ZBTB20: variants seen among roughly 807,000 people sequenced by gnomAD.
ZBTB20 encodes the protein zinc finger and BTB domain containing 20, also known as zinc finger and BTB domain-containing protein 20.
A neutral mutation model predicts 56.9 loss-of-function variants in ZBTB20; 9 were observed. The ratio of observed to expected loss-of-function variants is 0.16; its 90% CI spans 0.10 to 0.28. The LOEUF is 0.28. Among genes scored for constraint, ZBTB20 ranks in the 10% least tolerant of loss-of-function variants. The probability of loss-of-function intolerance (pLI) is 1.00; values close to 1 mark genes in which losing one functional copy is unlikely to be tolerated. For missense variants in ZBTB20, 655 were observed against 1,003.0 expected (o/e 0.65, Z 4.69); for synonymous variants, 417 against 420.7 (o/e 0.99, Z 0.11).
chr3:114,565,858 T>C (rs369647263), intron 6 of ZBTB20, among the ~76,000 whole-genome samples: 1 of 152,118 alleles, frequency 6.6e-6, no homozygotes, highest in Non-Finnish European at 1.5e-5. Flanking sequence ...CAGTAAGATG[T>C]TGTCATGCAA....
chr3:114,695,829 A>G (rs1183467170), intron 5 of ZBTB20, among the ~76,000 whole-genome samples: 1 of 152,024 alleles, frequency 6.6e-6, no homozygotes, highest in African/African-American at 2.4e-5. Context: ...ATTGGAATCC[A>G]AACTCAACTA....
intron 2 of ZBTB20, among the ~76,000 whole-genome samples, chr3:114,980,391 G>A (rs921537685): frequency 6.6e-6 from 1 of 150,404 alleles, no homozygotes; most frequent in Non-Finnish European, 1.5e-5. Flanking sequence ...TCCTTTCTAA[G>A]GGTCCATAAA....
At chr3:114,373,918 G>C (rs1469749405) in intron 10 of ZBTB20, among the ~76,000 whole-genome samples, 1 of 151,898 alleles carries the variant, frequency 6.6e-6, no homozygotes, top group Non-Finnish European at 1.5e-5. Flanking sequence ...ATAAAAAGAG[G>C]GCCAATTTAA....
At position 115,061,959 on chromosome 3, in the gene ZBTB20, C is replaced by G. The variant is rs141906949; in HGVS notation, c.-507+9260G>C. The stretch of plus-strand genomic sequence containing the variant: ...TTATGCACCCTAAACATTATGCACT[C>G]TATGCTATAAAATGACAATATAAAA... On this transcript the variant is annotated intron_variant, in intron 2 of 11. Transcript: ENST00000675478. Among the ~76,000 whole-genome samples the G allele has an allele frequency of 4.1e-3, 624 of 152,238 alleles. 4 individuals carry two copies. Among genetic ancestry groups the G allele is most frequent in the African/African-American group, 0.014 (592 of 41,534 alleles).
In ZBTB20 at chr3:115,023,340, A is replaced by G. The variant is rs777337759; in HGVS notation, c.-507+47879T>C. On this transcript the variant is annotated intron_variant, in intron 2 of 11. Coordinates refer to ENST00000675478, the MANE Select transcript of ZBTB20 (RefSeq NM_001348800.3). ...TTTGCTGGCACTACACAATATGCCTAGATTCAATTCTGTTGAATCCCATAA... is the reference window on the plus strand; with the variant it reads ...TTTGCTGGCACTACACAATATGCCTGGATTCAATTCTGTTGAATCCCATAA... Among the ~76,000 whole-genome samples, 6 of 150,996 alleles carry G rather than the reference A, an allele frequency of 4.0e-5. 1 individual carries two copies. The highest frequency in any genetic ancestry group is 1.3e-4 in the Admixed American group (2 of 15,068).
chr3:114,340,556 A>C (rs1576226849), intron 11 of ZBTB20, among the ~76,000 whole-genome samples: 2 of 152,216 alleles, frequency 1.3e-5, no homozygotes, highest in African/African-American at 4.8e-5. Flanking sequence ...TACTCAGTGC[A>C]TGAGGTATTC....
Position 114,319,855 on chromosome 3 carries a change from C to A in ZBTB20, c.*19150G>T, listed in dbSNP as rs960372737. On this transcript the variant is annotated 3_prime_UTR_variant, in exon 12 of 12. Transcript: ENST00000675478. The stretch of plus-strand genomic sequence containing the variant: ...GCATATACATATATATATACACACA[C>A]ACACACAAATTTGTTACATAGCCAA... 1 of 152,058 alleles carries A rather than the reference C, an allele frequency of 6.6e-6. No homozygotes were observed. The highest frequency in any genetic ancestry group is 2.4e-5 in the African/African-American group (1 of 41,392). 9.4% of individuals were successfully genotyped at this position (152,058 alleles called of 1,614,324 possible).
At chr3:114,739,128 T>C (rs1354079807) in intron 5 of ZBTB20, among the ~76,000 whole-genome samples, 1 of 152,166 alleles carries the variant, frequency 6.6e-6, no homozygotes, top group Non-Finnish European at 1.5e-5. Flanking sequence ...GGGCCATACC[T>C]GGGTGGTTTT....
At chr3:115,086,018 T>C (rs2082974311) in intron 1 of ZBTB20, among the ~76,000 whole-genome samples, 2 of 151,932 alleles carry the variant, frequency 1.3e-5, no homozygotes, top group Admixed American at 6.6e-5. Flanking sequence ...TTCTCTATTT[T>C]TTAGTCTTAA....
chr3:115,096,950 C>T (rs1344690419), intron 1 of ZBTB20, among the ~76,000 whole-genome samples: 3 of 152,128 alleles, frequency 2.0e-5, no homozygotes, highest in Non-Finnish European at 4.4e-5. Context: ...AAGTATGCAG[C>T]TGCTATCCTT....
intron 4 of ZBTB20, among the ~76,000 whole-genome samples, chr3:114,844,905 A>C (rs747713871): frequency 8.7e-4 from 112 of 128,728 alleles, no homozygotes; most frequent in Non-Finnish European, 1.5e-3. Flanking sequence ...ATCTTTGCCC[A>C]TTTAAATAAT....
chr3:114,776,442 C>T (rs1228648849), intron 5 of ZBTB20, among the ~76,000 whole-genome samples: 1 of 152,044 alleles, frequency 6.6e-6, no homozygotes, highest in Non-Finnish European at 1.5e-5. Flanking sequence ...AGTGATGTGG[C>T]CACAAGCCAA....
intron 6 of ZBTB20, among the ~76,000 whole-genome samples, chr3:114,637,682 T>C (rs552791332): frequency 2.6e-5 from 4 of 152,226 alleles, no homozygotes; most frequent in Admixed American, 6.5e-5. Flanking sequence ...AAACATCTTC[T>C]ATGTGTGAGA....
intron 4 of ZBTB20, among the ~76,000 whole-genome samples, chr3:114,875,271 T>C (rs530197268): frequency 3.3e-5 from 5 of 152,132 alleles, no homozygotes; most frequent in Non-Finnish European, 7.4e-5. Flanking sequence ...AAGCACTAAG[T>C]AATATCAAAA....
intron 5 of ZBTB20, among the ~76,000 whole-genome samples, chr3:114,766,703 T>C (rs1244281231): frequency 6.6e-6 from 1 of 152,098 alleles, no homozygotes; most frequent in Non-Finnish European, 1.5e-5. Context: ...CTACTAATTG[T>C]TCTTAACATT....
At chr3:114,428,944 C>A (rs1186689860) in intron 7 of ZBTB20, among the ~76,000 whole-genome samples, 1 of 151,862 alleles carries the variant, frequency 6.6e-6, no homozygotes, top group African/African-American at 2.4e-5. Flanking sequence ...TATGAGGAAT[C>A]CAGTGGAATT....
intron 7 of ZBTB20, among the ~76,000 whole-genome samples, chr3:114,414,522 G>A (rs868355226): frequency 2.6e-5 from 4 of 152,116 alleles, no homozygotes; most frequent in East Asian, 3.9e-4. Context: ...TAATGCAAGA[G>A]TGTTGCTAGC....
At position 114,778,336 on chromosome 3, in the gene ZBTB20, C is replaced by T. The variant is rs143146097; in HGVS notation, c.-343+22765G>A. Among the ~76,000 whole-genome samples the T allele has an allele frequency of 1.4e-3, 200 of 147,956 alleles. 5 individuals are homozygous for T. In the East Asian group the frequency reaches 0.034, roughly 25 times the overall value. On this transcript the variant is annotated intron_variant, in intron 5 of 11. Coordinates refer to ENST00000675478, the MANE Select transcript of ZBTB20 (RefSeq NM_001348800.3). ...TGCACTCCAGCCTCGGCAACAAGAG[C>T]AAAACTCCATCTCAAAACAAAACAG...
intron 4 of ZBTB20, among the ~76,000 whole-genome samples, chr3:114,849,519 G>GCAGTGATTGTTTTGTGTTTTGTTTT (rs1232542123): frequency 6.6e-6 from 1 of 152,168 alleles, no homozygotes; most frequent in African/African-American, 2.4e-5. Flanking sequence ...GAAACTGTAT[G>GCAGTGATTGTTTTGTGTTTTGTTTT]CAGTGATTGT....
Sources: allele counts gnomAD v4.1 joint callset (sites outside exome capture counted in the v4.1 genomes callset), GRCh38; gene constraint gnomAD v4.1.1; transcripts MANE v1.5; gene names NCBI Gene and HGNC (gene_info 2026-07-23, HGNC 2026-07-21).